The following ESCO2 variants were observed in gnomAD, a reference collection of about 807,000 sequenced individuals.
ESCO2 encodes N-acetyltransferase ESCO2.
Under a neutral mutation model 61.7 loss-of-function variants are expected in ESCO2, and 51 were observed. The ratio of observed to expected loss-of-function variants is 0.83; its 90% CI spans 0.66 to 1.04. The LOEUF (loss-of-function observed/expected upper bound fraction) is 1.04. ESCO2 is among the 50% of genes least tolerant of loss of function. The pLI is 0.00. For synonymous variants in ESCO2, 230 were observed against 238.2 expected, an observed-to-expected ratio of 0.97 and a Z score of 0.32; for missense variants, 692 against 686.2, an observed-to-expected ratio of 1.01 and a Z score of -0.09.
chr8:27,790,594 G>C (rs559989790), intron 7 of ESCO2, among the ~76,000 whole-genome samples: 2 of 151,686 alleles, frequency 1.3e-5, no homozygotes, highest in African/African-American at 2.4e-5. Flanking sequence ...TGTGACCTTT[G>C]GTTTCTTAAG....
At chr8:27,791,852 T>C in intron 7 of ESCO2, 111 bp from the exon 8 acceptor site, 1 of 905,788 alleles carries the variant, frequency 1.1e-6, no homozygotes, top group South Asian at 1.5e-5. Context: ...TCTTCTTCTT[T>C]TTATATCTAT....
intron 7 of ESCO2, among the ~76,000 whole-genome samples, chr8:27,789,333 G>A (rs1737586998): frequency 6.6e-6 from 1 of 152,064 alleles, no homozygotes; most frequent in Non-Finnish European, 1.5e-5. Context: ...TCCTATCATT[G>A]GCCCTATCTT....
downstream of ESCO2, among the ~76,000 whole-genome samples, chr8:27,815,916 T>G (rs933162037): frequency 5.3e-5 from 8 of 152,242 alleles, no homozygotes; most frequent in African/African-American, 1.9e-4. Flanking sequence ...GATGAGATCA[T>G]AAACTAATGG....
At chr8:27,781,253 CTT>C (rs1326112325) in intron 4 of ESCO2, among the ~76,000 whole-genome samples, 1 of 151,320 alleles carries the variant, frequency 6.6e-6, no homozygotes, top group East Asian at 1.9e-4. Context: ...GGTTAAGTAA[CTT>C]ACCAATAGCA....
downstream of ESCO2, among the ~76,000 whole-genome samples, chr8:27,814,393 G>A (rs893596334): frequency 3.3e-5 from 5 of 151,910 alleles, no homozygotes; most frequent in Non-Finnish European, 7.4e-5. Flanking sequence ...TCTCATTCCT[G>A]TTGTTGGTGA....
rs768258688 is a variant in ESCO2, at chr8:27,791,979, G to A, written c.1280G>A (p.Arg427His). Residue 427 changes from arginine to histidine, a missense_variant, in exon 8 of 11, where the codon CGT becomes CAT. Arg to His is a conservative substitution (Grantham distance 29, BLOSUM62 0). Coordinates refer to ENST00000305188, the MANE Select transcript of ESCO2 (RefSeq NM_001017420.3). ...GIKYVGWKKE[R>H]VVAEFWDGKI... The stretch of plus-strand genomic sequence containing the variant: ...CTTTGGCAGGGTTGGAAGAAAGAAC[G>A]TGTAGTAGCAGAGTTTTGGGATGGG... 1.5e-5 allele frequency: 24 copies of A among 1,613,990 alleles called. No individual in the cohort carries two copies. Among genetic ancestry groups the A allele is most frequent in the East Asian group, 8.9e-5 (4 of 44,864 alleles).
At chr8:27,778,900 T>C (rs1439813765) in intron 3 of ESCO2, 1 of 152,328 alleles carries the variant, frequency 6.6e-6, no homozygotes, top group Non-Finnish European at 1.5e-5. Context: ...CTCTGCTAGC[T>C]AAGGGCGAAT....
chr8:27,818,384 G>A, the ESCO2 span, among the ~76,000 whole-genome samples: 378 of 152,322 alleles, frequency 2.5e-3, no homozygotes, highest in Non-Finnish European at 4.3e-3. Context: ...CTATTCTAGA[G>A]TTGAGGATAT....
intron 4 of ESCO2, among the ~76,000 whole-genome samples, chr8:27,783,733 G>A (rs960346182): frequency 6.6e-6 from 1 of 152,046 alleles, no homozygotes; most frequent in Non-Finnish European, 1.5e-5. Flanking sequence ...GAGCCACCAC[G>A]CCTGGTCATA....
downstream of ESCO2, chr8:27,810,212 A>T: frequency 1.2e-6 from 1 of 842,572 alleles, no homozygotes; most frequent in African/African-American, 1.7e-5. Context: ...CAAATATGCC[A>T]ATTTTAGAGT....
chr8:27,777,067 A>T lies in ESCO2; in HGVS notation c.759A>T (p.Lys253Asn). The T allele has an allele frequency of 6.2e-7, 1 of 1,606,616 alleles. No homozygotes were observed. The highest frequency in any genetic ancestry group is 8.5e-7 in the Non-Finnish European group (1 of 1,178,356). The change falls in exon 3 of 11, where the codon AAA becomes AAT. Residue 253 changes from lysine (K) to asparagine (N), a missense_variant. Coordinates refer to ENST00000305188, the MANE Select transcript of ESCO2 (RefSeq NM_001017420.3). ...ATGTAGAGACTGTCAGTGAAAAAAA[A>T]ACTTTTGCGACAAGGCAAGTGCCAA... ...DSDVETVSEKKTFATRQVPKC... is the reference protein window; with the variant it reads ...DSDVETVSEKNTFATRQVPKC...
chr8:27,799,528 T>C lies in ESCO2; in HGVS notation c.1498-13T>C, dbSNP rs1805376370. On this transcript the variant is annotated splice_polypyrimidine_tract_variant and intron_variant, in intron 9 of 10. Transcript: ENST00000305188. Reference sequence around the variant, plus strand: ...GTGGTGTTAGCTATAGATGCTTCTGTATATCATTGCAGGCATTTCGTGTCC... The same window carrying C: ...GTGGTGTTAGCTATAGATGCTTCTGCATATCATTGCAGGCATTTCGTGTCC... 6.2e-7 allele frequency: 1 copy of C among 1,613,768 alleles called. No homozygotes were observed. Among genetic ancestry groups the C allele is most frequent in the Non-Finnish European group, 8.5e-7 (1 of 1,179,954 alleles).
intron 9 of ESCO2, among the ~76,000 whole-genome samples, chr8:27,795,343 A>G (rs1184438280): frequency 2.0e-5 from 3 of 152,120 alleles, no homozygotes; most frequent in Admixed American, 2.0e-4. Flanking sequence ...CTGTATAGAA[A>G]CACTACTGAC....
At chr8:27,783,129 A>G (rs1804961856) in intron 4 of ESCO2, among the ~76,000 whole-genome samples, 2 of 152,272 alleles carry the variant, frequency 1.3e-5, no homozygotes, top group South Asian at 2.1e-4. Context: ...CCCTATGCCT[A>G]CATTTTATTG....
intron 5 of ESCO2, among the ~76,000 whole-genome samples, chr8:27,786,340 G>C (rs987693166): frequency 1.6e-4 from 24 of 152,214 alleles, no homozygotes; most frequent in Non-Finnish European, 3.2e-4. Context: ...GGAGGAGGAG[G>C]TAAAGGTCAG....
Position 27,804,327 on chromosome 8 carries a change from C to T in ESCO2, c.*889C>T, listed in dbSNP as rs1000183509. 45 of 985,232 alleles carry T rather than the reference C, an allele frequency of 4.6e-5. No homozygotes were observed. Among genetic ancestry groups the T allele is most frequent in the Non-Finnish European group, 5.2e-5 (43 of 829,910 alleles). The allele number at this position is 985,232 out of a possible 1,614,324, so 61.0% of individuals were successfully genotyped here. ...TACTACTTTGGGAACCTGTTACTGA[C>T]AATTGATGTCATTAACAAAATGCCT... is the stretch of plus-strand genomic sequence containing the variant. On this transcript the variant is annotated 3_prime_UTR_variant, in exon 11 of 11. Coordinates refer to ENST00000305188, the MANE Select transcript of ESCO2 (RefSeq NM_001017420.3).
At position 27,803,964 on chromosome 8, in the gene ESCO2, C is replaced by T; in HGVS notation, c.*526C>T. 1.0e-6 allele frequency: 1 copy of T among 986,486 alleles called. No individual in the cohort carries two copies. Among genetic ancestry groups the T allele is most frequent in the Non-Finnish European group, 1.2e-6 (1 of 831,260 alleles). 61.1% of individuals were successfully genotyped at this position (986,486 alleles called of 1,614,324 possible). ...CTGTGTTGCCCAGGCTGGTCTGAAA[C>T]TTTTGGGCTCAAGCGATCCTCCCAA... On this transcript the variant is annotated 3_prime_UTR_variant, in exon 11 of 11. Coordinates refer to ENST00000305188, the MANE Select transcript of ESCO2 (RefSeq NM_001017420.3).
chr8:27,810,407 T>C (rs1805651973), downstream of ESCO2: 4 of 1,605,162 alleles, frequency 2.5e-6, no homozygotes, highest in Non-Finnish European at 3.4e-6. Flanking sequence ...CTTTCTGGTA[T>C]GATTCATCCA....
At position 27,776,292 on chromosome 8, in the gene ESCO2, A is replaced by G; in HGVS notation, c.54-70A>G. 2.3e-6 allele frequency: 3 copies of G among 1,288,318 alleles called. No individual in the cohort carries two copies. The African/African-American group carries it at 4.4e-5, about 19-fold the overall frequency. The allele number at this position is 1,288,318 out of a possible 1,614,324, so 79.8% of individuals were successfully genotyped here. A position where few individuals can be genotyped will look rare whatever the true frequency, so the allele number is the denominator to read the frequency against. ...TTAATATGACCTACAAGTAGAGCTT[A>G]CTTAGCAGTAGATTTATGTAAATTT... On this transcript the variant is annotated intron_variant, in intron 2 of 10. Coordinates refer to ENST00000305188, the MANE Select transcript of ESCO2 (RefSeq NM_001017420.3).
Sources: allele counts gnomAD v4.1 joint callset (sites outside exome capture counted in the v4.1 genomes callset), GRCh38; gene constraint gnomAD v4.1.1; transcripts MANE v1.5; gene names NCBI Gene and HGNC (gene_info 2026-07-23, HGNC 2026-07-21).